Variants in CFAP74 observed in about 807,000 individuals in gnomAD.
CFAP74 encodes cilia and flagella associated protein 74.
Under a neutral mutation model 188.9 loss-of-function variants are expected in CFAP74, and 124 were observed. The ratio of observed to expected loss-of-function variants is 0.66; its 90% CI spans 0.57 to 0.76. CFAP74 has a LOEUF of 0.76. Ranked by LOEUF, CFAP74 falls within the 30% of genes least tolerant of loss-of-function variation. CFAP74 has a pLI of 0.00. For missense variants in CFAP74, 2,198 were observed against 2,165.2 expected, an observed-to-expected ratio of 1.02 and a Z score of -0.30; for synonymous variants, 956 against 916.7, an observed-to-expected ratio of 1.04 and a Z score of -0.77.
At chr1:1,943,073 C>T (rs1653497998) in intron 21 of CFAP74, among the ~76,000 whole-genome samples, 1 of 152,236 alleles carries the variant, frequency 6.6e-6, no homozygotes, top group Non-Finnish European at 1.5e-5. Flanking sequence ...CCGCGCCCTC[C>T]CCGTCAGGCA....
At chr1:1,967,942 T>C (rs1430863611) in intron 11 of CFAP74, among the ~76,000 whole-genome samples, 2 of 138,938 alleles carry the variant, frequency 1.4e-5, no homozygotes, top group Non-Finnish European at 3.2e-5. Flanking sequence ...AATGAATGAA[T>C]GAGTGAATCA....
chr1:1,990,574 A>AT (rs1319217130), intron 2 of CFAP74, among the ~76,000 whole-genome samples: 44 of 152,138 alleles, frequency 2.9e-4, no homozygotes, highest in Non-Finnish European at 2.9e-5. Context: ...ATCATCAGAG[A>AT]TTTTTTAAAA....
At position 1,926,255 on chromosome 1, in the gene CFAP74, A is replaced by G; in HGVS notation, c.3921T>C (p.Leu1307=). Residue 1307 remains leucine (L), a synonymous_variant, in exon 32 of 39, where the codon CTT becomes CTC. Coordinates refer to ENST00000682832, the MANE Select transcript of CFAP74 (RefSeq NM_001304360.2). The part of the protein sequence containing the change: ...LRAGGTQVLV[L]SFSPHESILA... Reference sequence around the variant, plus strand: ...GGATGCTCTCGTGGGGAGAGAAGGAAAGCACCAGGACCTGGGTCCCACCTG... The same window carrying G: ...GGATGCTCTCGTGGGGAGAGAAGGAGAGCACCAGGACCTGGGTCCCACCTG... The G allele has an allele frequency of 6.5e-7, 1 of 1,527,532 alleles. No individual in the cohort carries two copies. The highest frequency in any genetic ancestry group is 8.8e-7 in the Non-Finnish European group (1 of 1,134,648). 94.6% of individuals were successfully genotyped at this position (1,527,532 alleles called of 1,614,324 possible).
chr1:1,974,168 C>T lies in CFAP74; in HGVS notation c.531G>A (p.Glu177=). 6.2e-7 allele frequency: 1 copy of T among 1,609,270 alleles called. No individual in the cohort carries two copies. Among genetic ancestry groups the T allele is most frequent in the Non-Finnish European group, 8.5e-7 (1 of 1,177,280 alleles). Residue 177 remains glutamate, a synonymous_variant, in exon 7 of 39, where the codon GAG becomes GAA. Coordinates refer to ENST00000682832, the MANE Select transcript of CFAP74 (RefSeq NM_001304360.2). The part of the protein sequence containing the change: ...ENTMWHIEIQ[E]GRLEAFRTAD... ...CTGTCCGGAAGGCCTCGAGTCGCCCCTCCTGGATCTCGATGTGCCACATGG... is the reference window on the plus strand; with the variant it reads ...CTGTCCGGAAGGCCTCGAGTCGCCCTTCCTGGATCTCGATGTGCCACATGG...
intron 10 of CFAP74, among the ~76,000 whole-genome samples, chr1:1,969,248 C>T (rs1375576182): frequency 1.8e-5 from 2 of 112,846 alleles, no homozygotes; most frequent in Non-Finnish European, 3.9e-5. Context: ...CAGCCCTGCC[C>T]AGCCCTGCCC....
rs191996414 is a variant in CFAP74 at position 1,976,944 on chromosome 1, C to T, written c.501-2746G>A. ...CACTGCAAGCTCCGCCTCCCGAGTT[C>T]ACGCCATTCTCCTGCCTCAGCTTCC... On this transcript the variant is annotated intron_variant, in intron 6 of 38. Coordinates refer to ENST00000682832, the MANE Select transcript of CFAP74 (RefSeq NM_001304360.2). Among the ~76,000 whole-genome samples, 544 of 152,156 alleles carry T rather than the reference C, an allele frequency of 3.6e-3. 2 individuals carry two copies. The highest frequency in any genetic ancestry group is 0.017 in the Middle Eastern group (5 of 294).
Position 1,991,834 on chromosome 1 carries a change from T to C in CFAP74, c.-19-859A>G, listed in dbSNP as rs574204599. 7.2e-5 allele frequency among the ~76,000 whole-genome samples: 11 copies of C among 151,856 alleles called. No homozygotes were observed. The South Asian group carries it at 1.9e-3, about 26-fold the overall frequency. On this transcript the variant is annotated intron_variant, in intron 1 of 38. Transcript: ENST00000682832. ...GTGGGCGGATCACGAGGTCAGGAGATCGAGACTATCCTGGCTAGCACAGTG... is the reference window on the plus strand; with the variant it reads ...GTGGGCGGATCACGAGGTCAGGAGACCGAGACTATCCTGGCTAGCACAGTG...
intron 4 of CFAP74, 54 bp from the exon 5 acceptor site, chr1:1,987,089 A>G: frequency 6.8e-7 from 1 of 1,474,800 alleles, no homozygotes; most frequent in Non-Finnish European, 9.3e-7. Context: ...CCAGCCTCCA[A>G]AGTGACAGTG....
chr1:1,974,993 A>G (rs1377220209), intron 6 of CFAP74, among the ~76,000 whole-genome samples: 2 of 152,234 alleles, frequency 1.3e-5, no homozygotes, highest in Non-Finnish European at 2.9e-5. Context: ...TTCCACCCAG[A>G]GATGCGGCTC....
At chr1:1,940,264 C>A in intron 23 of CFAP74, 52 bp downstream of exon 23, 2 of 1,401,316 alleles carry the variant, frequency 1.4e-6, no homozygotes, top group Non-Finnish European at 2.0e-6. Flanking sequence ...CCCAGGAAAG[C>A]CCCTGCTACC....
At chr1:1,959,026 C>T (rs896294096) in intron 16 of CFAP74, 94 bp downstream of exon 16, 33 of 850,084 alleles carry the variant, frequency 3.9e-5, no homozygotes, top group Admixed American at 1.4e-4. Context: ...GTCCCCCCGC[C>T]AACCTGCACC....
intron 28 of CFAP74, chr1:1,927,311 A>C: frequency 1.8e-6 from 1 of 565,318 alleles, no homozygotes; most frequent in Non-Finnish European, 3.1e-6. Flanking sequence ...GGCCACAGGC[A>C]CCCATTAGAG....
chr1:1,971,325 GCACACCTGCA>G (rs1203704489), intron 9 of CFAP74, among the ~76,000 whole-genome samples: 14 of 145,226 alleles, frequency 9.6e-5, no homozygotes, highest in African/African-American at 3.1e-4. Flanking sequence ...GCAGACACTT[GCACACCTGCA>G]CACACGTGCA....
intron 6 of CFAP74, chr1:1,983,741 T>G (rs113888174): frequency 4.6e-5 from 7 of 151,992 alleles, no homozygotes; most frequent in Admixed American, 2.6e-4. Context: ...CAGGCTGGAG[T>G]GCAGTGACGC....
intron 14 of CFAP74, 30 bp from the exon 15 acceptor site, chr1:1,960,060 G>A: frequency 1.9e-6 from 3 of 1,583,382 alleles, no homozygotes; most frequent in Non-Finnish European, 2.6e-6. Flanking sequence ...GCACACGGGG[G>A]TTAGTGCTGC....
intron 27 of CFAP74, 65 bp downstream of exon 27, chr1:1,928,719 G>T: frequency 7.9e-7 from 1 of 1,258,350 alleles, no homozygotes; most frequent in Non-Finnish European, 1.1e-6. Flanking sequence ...CTCGAAGGCG[G>T]TGGAGTTTGT....
rs1407253966 is a variant in CFAP74, at chr1:1,979,517, AGCT to A, written c.501-5322_501-5320del. On this transcript the variant is annotated intron_variant, in intron 6 of 38. Transcript: ENST00000682832. ...GGCGTGGGAAGGCGTCACGTGACGA[AGCT>A]GCGCAGAACACGCGTGTGGTACTGA... Among the ~76,000 whole-genome samples, 3 of 35,908 alleles carry A rather than the reference AGCT, an allele frequency of 8.4e-5. 1 individual carries two copies. Among genetic ancestry groups the A allele is most frequent in the Non-Finnish European group, 1.7e-4 (3 of 18,082 alleles). 23.6% of individuals were successfully genotyped at this position (35,908 alleles called of 152,430 possible).
chr1:1,965,087 G>A, intron 12 of CFAP74, 26 bp from the exon 13 acceptor site: 2 of 1,602,264 alleles, frequency 1.2e-6, no homozygotes, highest in Non-Finnish European at 1.7e-6. Flanking sequence ...ACAGAGGCTG[G>A]GGCTGTTAGC....
chr1:1,960,017 C>T lies in CFAP74; in HGVS notation c.1708G>A (p.Gly570Ser). The T allele has an allele frequency of 6.3e-7, 1 of 1,592,366 alleles. No individual in the cohort carries two copies. The highest frequency in any genetic ancestry group is 8.5e-7 in the Non-Finnish European group (1 of 1,171,488). ...DFIHVDFDPP[G>S]PLSAGMSCEV... is the part of the protein sequence containing the mutation. ...CAGGACATTCCGGCTGACAGGGGGC[C>T]AGGGGGGTCAAAGCTGCAGGACGTG... Residue 570 changes from glycine to serine, a missense_variant, in exon 15 of 39, where the codon GGC (glycine) becomes AGC (serine). Transcript: ENST00000682832.
Sources: allele counts gnomAD v4.1 joint callset (sites outside exome capture counted in the v4.1 genomes callset), GRCh38; gene constraint gnomAD v4.1.1; transcripts MANE v1.5; gene names NCBI Gene and HGNC (gene_info 2026-07-23, HGNC 2026-07-21).